RIMS2: variants seen among roughly 807,000 people sequenced by gnomAD.
RIMS2 encodes the protein regulating synaptic membrane exocytosis 2, also known as regulating synaptic membrane exocytosis protein 2.
RIMS2 carries 59 observed loss-of-function variants against 174.4 expected under a neutral mutation model. That is an observed-to-expected ratio of 0.34 (90% CI 0.27 to 0.42). The LOEUF (loss-of-function observed/expected upper bound fraction) is 0.42, where lower values mean the gene tolerates loss of function less well. Among genes scored for constraint, RIMS2 ranks in the 10% least tolerant of loss-of-function variants. The probability of loss-of-function intolerance (pLI) is 1.00; values close to 1 mark genes in which losing one functional copy is unlikely to be tolerated. For missense variants in RIMS2, 1,620 were observed against 1,666.3 expected, an observed-to-expected ratio of 0.97 and a Z score of 0.48; for synonymous variants, 606 against 572.5, an observed-to-expected ratio of 1.06 and a Z score of -0.84.
At chr8:103,933,735 G>A (rs563115736) in intron 12 of RIMS2, among the ~76,000 whole-genome samples, 1 of 152,120 alleles carries the variant, frequency 6.6e-6, no homozygotes, top group Admixed American at 6.5e-5. Context: ...ATAGTGAAAA[G>A]AATTCTCTGC....
chr8:103,911,961 G>A (rs975083358), intron 5 of RIMS2, 92 bp from the exon 9 acceptor site: 5 of 982,888 alleles, frequency 5.1e-6, no homozygotes, highest in South Asian at 3.9e-5. Context: ...TAGAGAGGTC[G>A]TACAATCAGA....
intron 19 of RIMS2, among the ~76,000 whole-genome samples, chr8:104,057,885 A>G (rs983786498): frequency 6.6e-6 from 1 of 151,702 alleles, no homozygotes; most frequent in Non-Finnish European, 1.5e-5. Flanking sequence ...ATGTCCCTAC[A>G]AAGGACATGA....
chr8:104,251,554 A>G (rs748387920), intron 23 of RIMS2, 48 bp from the exon 30 acceptor site: 14 of 963,626 alleles, frequency 1.5e-5, no homozygotes, highest in Middle Eastern at 2.2e-4. Context: ...AAGTTTTTCT[A>G]TGTACACAGT....
rs1198832988 is a variant in RIMS2 at position 104,164,046 on chromosome 8, C to T, written c.3335-80870C>T. ...AAATCCTCCTTTCCAAAGGAAATAT[C>T]GTAGCCCAAAGGTAGGGGAACAGCG... is the stretch of plus-strand genomic sequence containing the variant. On this transcript the variant is annotated intron_variant, in intron 19 of 23. Transcript: ENST00000504942. 2.0e-5 allele frequency among the ~76,000 whole-genome samples: 3 copies of T among 152,102 alleles called. 1 individual carries two copies. The highest frequency in any genetic ancestry group is 4.8e-5 in the African/African-American group (2 of 41,434).
At chr8:103,575,705 T>C (rs1271440380) in intron 1 of RIMS2, among the ~76,000 whole-genome samples, 1 of 145,834 alleles carries the variant, frequency 6.9e-6, no homozygotes, top group East Asian at 2.0e-4. Context: ...TATATACACA[T>C]ACAGCACTGA....
chr8:103,883,481 T>C (rs2099180730), intron 3 of RIMS2, among the ~76,000 whole-genome samples: 1 of 151,760 alleles, frequency 6.6e-6, no homozygotes, highest in African/African-American at 2.4e-5. Context: ...TTTTTGAATG[T>C]TTTGTTTTGA....
chr8:104,186,055 A>T (rs192927722), intron 19 of RIMS2, among the ~76,000 whole-genome samples: 1 of 151,894 alleles, frequency 6.6e-6, no homozygotes, highest in East Asian at 1.9e-4. Context: ...CTATTCAGCC[A>T]TAAAAAAAGA....
intron 19 of RIMS2, among the ~76,000 whole-genome samples, chr8:104,056,458 A>G (rs1410233490): frequency 2.0e-5 from 3 of 152,194 alleles, no homozygotes; most frequent in Non-Finnish European, 4.4e-5. Flanking sequence ...ATCTGGTACA[A>G]AACTATTCGT....
intron 20 of RIMS2, 85 bp from the exon 27 acceptor site, chr8:104,248,616 C>T: frequency 2.6e-6 from 2 of 783,852 alleles, no homozygotes; most frequent in Non-Finnish European, 4.6e-6. Flanking sequence ...AGTCTTGCCA[C>T]AATAATGAGG....
chr8:104,119,137 A>C (rs929512050), intron 19 of RIMS2, among the ~76,000 whole-genome samples: 4 of 151,680 alleles, frequency 2.6e-5, no homozygotes, highest in African/African-American at 9.7e-5. Context: ...CATGAAGTCA[A>C]GAGATCAAGA....
At chr8:103,543,682 A>G (rs1455417390) in intron 1 of RIMS2, among the ~76,000 whole-genome samples, 1 of 152,232 alleles carries the variant, frequency 6.6e-6, no homozygotes, top group Non-Finnish European at 1.5e-5. Context: ...AGAGTCCAGA[A>G]ATAAATTCAG....
chr8:103,639,112 C>G (rs758757696), intron 1 of RIMS2, among the ~76,000 whole-genome samples: 1 of 151,932 alleles, frequency 6.6e-6, no homozygotes, highest in African/African-American at 2.4e-5. Flanking sequence ...AGTATGGAAA[C>G]AAACTTACCA....
chr8:103,909,966 C>G (rs1243724993), intron 4 of RIMS2, among the ~76,000 whole-genome samples: 8 of 149,844 alleles, frequency 5.3e-5, no homozygotes, highest in African/African-American at 2.0e-4. Context: ...TATTAGCTTT[C>G]TTTTGGCATA....
At chr8:104,184,456 T>C (rs972948589) in intron 19 of RIMS2, among the ~76,000 whole-genome samples, 1 of 151,568 alleles carries the variant, frequency 6.6e-6, no homozygotes, top group Non-Finnish European at 1.5e-5. Context: ...AAACACTATT[T>C]ATTATAACTC....
intron 1 of RIMS2, among the ~76,000 whole-genome samples, chr8:103,603,898 GC>G (rs1472557449): frequency 4.8e-5 from 7 of 146,896 alleles, no homozygotes; most frequent in African/African-American, 1.8e-4. Flanking sequence ...CTGGATATTA[GC>G]CCTTTGTCAG....
chr8:103,881,788 A>C (rs1226608846), intron 3 of RIMS2, among the ~76,000 whole-genome samples: 1 of 151,550 alleles, frequency 6.6e-6, no homozygotes, highest in Non-Finnish European at 1.5e-5. Flanking sequence ...ACTGGTTCTA[A>C]TTAAGGACAG....
intron 3 of RIMS2, among the ~76,000 whole-genome samples, chr8:103,830,535 A>G (rs964542994): frequency 3.9e-5 from 6 of 152,176 alleles, no homozygotes; most frequent in Admixed American, 3.9e-4. Flanking sequence ...CACTGTGAGG[A>G]CTATCTTGAA....
intron 1 of RIMS2, among the ~76,000 whole-genome samples, chr8:103,571,257 G>A (rs1196148086): frequency 2.0e-5 from 3 of 152,110 alleles, no homozygotes; most frequent in African/African-American, 4.8e-5. Flanking sequence ...TCATACCTAT[G>A]TTCAACAAAA....
intron 1 of RIMS2, among the ~76,000 whole-genome samples, chr8:103,574,698 T>C (rs2093082771): frequency 6.6e-6 from 1 of 152,316 alleles, no homozygotes; most frequent in South Asian, 2.1e-4. Context: ...ACTTGGCTGG[T>C]AGACATTTTC....
Sources: gnomAD v4.1 joint callset for allele counts (sites outside exome capture counted in the v4.1 genomes callset) on GRCh38, gnomAD v4.1.1 for gene constraint, MANE v1.5 for transcripts, NCBI Gene and HGNC (gene_info 2026-07-23, HGNC 2026-07-21) for gene names.